The following KLHL20 variants were observed in gnomAD, a reference collection of about 807,000 sequenced individuals.
KLHL20 encodes kelch-like protein 20.
In KLHL20, 29 loss-of-function variants were observed where a neutral mutation model predicts 69.5. The observed-to-expected ratio is 0.42, with a 90% CI of 0.31 to 0.57. The LOEUF (loss-of-function observed/expected upper bound fraction) is 0.57. Among genes scored for constraint, KLHL20 ranks in the 20% least tolerant of loss-of-function variants. The pLI, the probability that KLHL20 is intolerant of heterozygous loss-of-function variation, is 0.18. For missense variants in KLHL20, 419 were observed against 776.0 expected, an observed-to-expected ratio of 0.54 and a Z score of 5.47; for synonymous variants, 253 against 265.2, an observed-to-expected ratio of 0.95 and a Z score of 0.45.
At chr1:173,740,771 T>C (rs1246220341) in intron 3 of KLHL20, among the ~76,000 whole-genome samples, 1 of 151,850 alleles carries the variant, frequency 6.6e-6, no homozygotes, top group Non-Finnish European at 1.5e-5. Context: ...TGCCCCTCCC[T>C]GTCTGCCGTG....
intron 2 of KLHL20, among the ~76,000 whole-genome samples, chr1:173,723,960 A>G (rs1449493192): frequency 6.6e-6 from 1 of 152,176 alleles, no homozygotes; most frequent in Non-Finnish European, 1.5e-5. Context: ...GATGTTAAAC[A>G]TATACTTCAT....
intron 3 of KLHL20, among the ~76,000 whole-genome samples, chr1:173,744,710 C>A (rs751297515): frequency 1.1e-4 from 16 of 152,140 alleles, no homozygotes; most frequent in Non-Finnish European, 1.8e-4. Context: ...AAAAGCCTTT[C>A]TTTGCCCCAC....
chr1:173,717,437 C>T (rs1671521098), intron 2 of KLHL20, among the ~76,000 whole-genome samples: 1 of 152,174 alleles, frequency 6.6e-6, no homozygotes, highest in African/African-American at 2.4e-5. Flanking sequence ...TGTCACTTGG[C>T]CAGAGCCTAG....
At chr1:173,749,240 A>G (rs1673202615) in intron 3 of KLHL20, among the ~76,000 whole-genome samples, 1 of 152,182 alleles carries the variant, frequency 6.6e-6, no homozygotes, top group Non-Finnish European at 1.5e-5. Flanking sequence ...ACATTTTTAA[A>G]TTGTCTAAAC....
At chr1:173,729,903 C>T (rs958126055) in intron 2 of KLHL20, among the ~76,000 whole-genome samples, 4 of 152,144 alleles carry the variant, frequency 2.6e-5, no homozygotes, top group Middle Eastern at 3.2e-3. Context: ...AAAGAATATT[C>T]AGTTAGGAAA....
chr1:173,772,823 G>A (rs1436722243), intron 8 of KLHL20, among the ~76,000 whole-genome samples: 1 of 152,070 alleles, frequency 6.6e-6, no homozygotes, highest in Non-Finnish European at 1.5e-5. Flanking sequence ...ACATAAAAAG[G>A]ACAGAGCAAC....
intron 2 of KLHL20, among the ~76,000 whole-genome samples, chr1:173,721,635 G>A (rs1440260999): frequency 6.6e-6 from 1 of 152,202 alleles, no homozygotes; most frequent in East Asian, 1.9e-4. Flanking sequence ...GGCACCCAAG[G>A]CTTATGCTCA....
rs1648156834 is a variant in KLHL20, at chr1:173,772,502, A to T, written c.1296-1803A>T. ...TGGAACAAATTTATTATCTCAAAAC[A>T]TAAAATGAAGTGAACATATATCCTG... On this transcript the variant is annotated intron_variant, in intron 8 of 11. Transcript: ENST00000209884. Among the ~76,000 whole-genome samples the T allele has an allele frequency of 3.9e-5, 6 of 152,242 alleles. No homozygotes were observed. The South Asian group carries it at 1.2e-3, about 31-fold the overall frequency.
intron 8 of KLHL20, among the ~76,000 whole-genome samples, chr1:173,773,982 C>G (rs1648281647): frequency 6.9e-6 from 1 of 143,902 alleles, no homozygotes; most frequent in Non-Finnish European, 1.5e-5. Context: ...CACTTGCACT[C>G]CAGCCTGGGC....
chr1:173,749,529 T>G (rs1324942094), intron 3 of KLHL20, among the ~76,000 whole-genome samples: 1 of 152,122 alleles, frequency 6.6e-6, no homozygotes, highest in Non-Finnish European at 1.5e-5. Context: ...GGCATATCAT[T>G]AATATCGTTT....
chr1:173,766,106 T>C (rs1647687224), intron 7 of KLHL20, 40 bp from the exon 8 acceptor site: 3 of 1,475,116 alleles, frequency 2.0e-6, no homozygotes, highest in Non-Finnish European at 2.7e-6. Flanking sequence ...CAAGCTTCCT[T>C]TGTGTAATAC....
intron 2 of KLHL20, among the ~76,000 whole-genome samples, chr1:173,732,996 A>G (rs558506810): frequency 2.7e-5 from 4 of 150,656 alleles, no homozygotes; most frequent in East Asian, 1.9e-4. Context: ...AAAGATTTCT[A>G]TATAAAGATA....
At chr1:173,751,306 A>G (rs868794567) in intron 3 of KLHL20, among the ~76,000 whole-genome samples, 2 of 152,092 alleles carry the variant, frequency 1.3e-5, no homozygotes, top group South Asian at 2.1e-4. Context: ...TCACTGGTCT[A>G]ATACTCTCCT....
intron 2 of KLHL20, among the ~76,000 whole-genome samples, chr1:173,728,512 A>C (rs111672512): frequency 6.6e-6 from 1 of 152,362 alleles, no homozygotes; most frequent in African/African-American, 2.4e-5. Flanking sequence ...TCCTCAGCAA[A>C]TGTAAAAGAA....
In KLHL20 at chr1:173,744,692, G is replaced by A. The variant is rs535151384; in HGVS notation, c.598-7072G>A. 1.6e-4 allele frequency among the ~76,000 whole-genome samples: 24 copies of A among 152,096 alleles called. No individual in the cohort carries two copies. The South Asian group carries it at 2.9e-3, about 18-fold the overall frequency. ...CAAATGGCCATCTAGTCTAAATACCGTTTATTTAAAAGCCTTTCTTTGCCC... is the reference window on the plus strand; with the variant it reads ...CAAATGGCCATCTAGTCTAAATACCATTTATTTAAAAGCCTTTCTTTGCCC... On this transcript the variant is annotated intron_variant, in intron 3 of 11. Transcript: ENST00000209884.
intron 2 of KLHL20, among the ~76,000 whole-genome samples, chr1:173,719,132 A>G (rs555403136): frequency 6.6e-6 from 1 of 152,012 alleles, no homozygotes; most frequent in East Asian, 1.9e-4. Flanking sequence ...TTATTTTGTA[A>G]ATTGTAACAA....
intron 3 of KLHL20, among the ~76,000 whole-genome samples, chr1:173,750,115 C>T (rs983882470): frequency 8.5e-5 from 13 of 152,080 alleles, no homozygotes; most frequent in Admixed American, 2.0e-4. Flanking sequence ...TAAGCAACCT[C>T]AGCTAAAATT....
chr1:173,781,171 A>G (rs780670781), intron 10 of KLHL20, among the ~76,000 whole-genome samples: 48 of 152,162 alleles, frequency 3.2e-4, no homozygotes, highest in Non-Finnish European at 6.2e-4. Context: ...CTGCAGCAAT[A>G]GGATTCATTA....
At chr1:173,783,714 A>T (rs1649024512) in intron 11 of KLHL20, among the ~76,000 whole-genome samples, 1 of 152,058 alleles carries the variant, frequency 6.6e-6, no homozygotes, top group Admixed American at 6.6e-5. Context: ...CTAAAAATAC[A>T]AAAACTAGCC....
Sources: gnomAD v4.1 joint callset for allele counts (sites outside exome capture counted in the v4.1 genomes callset) on GRCh38, gnomAD v4.1.1 for gene constraint, MANE v1.5 for transcripts, NCBI Gene and HGNC (gene_info 2026-07-23, HGNC 2026-07-21) for gene names.